The following GPI variants were observed in gnomAD, a reference collection of about 807,000 sequenced individuals.
The protein encoded by GPI is glucose-6-phosphate isomerase, also known as D-hexose-6-phosphate anomerase.
Under a neutral mutation model 75.8 loss-of-function variants are expected in GPI, and 56 were observed. The observed-to-expected ratio is 0.74, with a 90% CI of 0.60 to 0.92. The LOEUF (loss-of-function observed/expected upper bound fraction) is 0.92. Among genes scored for constraint, GPI ranks in the 40% least tolerant of loss-of-function variants. The pLI, the probability that GPI is intolerant of heterozygous loss-of-function variation, is 0.00. For synonymous variants in GPI, 288 were observed against 285.4 expected (o/e 1.01, Z -0.09); for missense variants, 638 against 741.0 (o/e 0.86, Z 1.61).
At chr19:34,391,958 A>T (rs910908919) in intron 9 of GPI, among the ~76,000 whole-genome samples, 11 of 484 alleles carry the variant, frequency 0.023, no homozygotes, top group Non-Finnish European at 0.049. Flanking sequence ...ATCTGGCATG[A>T]GTATGAGGAT....
upstream of GPI, chr19:34,365,153 C>T (rs1192583776): frequency 3.2e-5 from 39 of 1,233,258 alleles, no homozygotes; most frequent in Middle Eastern, 6.3e-4. Context: ...CGGGCCGGGC[C>T]GGGCGCCTGC....
intron 4 of GPI, among the ~76,000 whole-genome samples, chr19:34,375,144 CT>C (rs572414870): frequency 9.5e-4 from 134 of 141,392 alleles, no homozygotes; most frequent in Admixed American, 9.2e-4. Flanking sequence ...CAGCAATACA[CT>C]TTTTTTTTTT....
In GPI at chr19:34,390,982, G is replaced by A. The variant is rs572763216; in HGVS notation, c.805-2266G>A. On this transcript the variant is annotated intron_variant, in intron 9 of 17. Coordinates refer to ENST00000356487, the MANE Select transcript of GPI (RefSeq NM_000175.5). ...CAGGTATGAGGATCTGGGTCTTCCC[G>A]TGTCTGAGTAGGTAGCACCTGGCAC... 2.9e-4 allele frequency among the ~76,000 whole-genome samples: 31 copies of A among 105,206 alleles called. No homozygotes were observed. The South Asian group carries it at 5.9e-3, about 20-fold the overall frequency. The allele number at this position is 105,206 out of a possible 152,430, so 69.0% of individuals were successfully genotyped here.
chr19:34,370,339 G>A (rs2074432507), intron 4 of GPI, among the ~76,000 whole-genome samples: 2 of 152,202 alleles, frequency 1.3e-5, no homozygotes, highest in Admixed American at 1.3e-4. Flanking sequence ...CTTGTCAGCT[G>A]TGATCATTTG....
At chr19:34,366,200 G>A in intron 1 of GPI, 145 bp from the exon 2 acceptor site, 1 of 720,898 alleles carries the variant, frequency 1.4e-6, no homozygotes, top group Middle Eastern at 2.3e-4. Flanking sequence ...GCAGGTGACA[G>A]ACACCACCAC....
In GPI at chr19:34,386,494, G is replaced by C. The variant is rs150026486; in HGVS notation, c.804+4975G>C. ...TAGTCTCTTGAAGGAGAGCTGAGGA[G>C]TTAGGTTGAATGCAGGTAGATAGAG... On this transcript the variant is annotated intron_variant, in intron 9 of 17. Transcript: ENST00000356487. Among the ~76,000 whole-genome samples, 183 of 152,316 alleles carry C rather than the reference G, an allele frequency of 1.2e-3. 7 individuals carry two copies. In the East Asian group the frequency reaches 0.027, roughly 23 times the overall value.
chr19:34,366,815 G>A lies in GPI; in HGVS notation c.246G>A (p.Glu82=). 6.2e-7 allele frequency: 1 copy of A among 1,613,760 alleles called. No homozygotes were observed. Among genetic ancestry groups the A allele is most frequent in the Non-Finnish European group, 8.5e-7 (1 of 1,179,912 alleles). Residue 82 remains glutamate, a synonymous_variant, in exon 3 of 18, where the codon GAG becomes GAA. Transcript: ENST00000356487. ...CCAGGGGCGTGGAGGCCGCCCGGGA[G>A]CGGATGTTCAATGGTGAGAAGATCA... ...AKSRGVEAAR[E]RMFNGEKINY... is the part of the protein sequence containing the mutation.
intron 2 of GPI, 65 bp downstream of exon 2, chr19:34,366,500 G>C (rs1253406086): frequency 9.4e-7 from 1 of 1,060,074 alleles, no homozygotes; most frequent in Non-Finnish European, 1.5e-6. Flanking sequence ...TGGGCTCCTG[G>C]GAGTCCCCAG....
At chr19:34,377,999 G>A in intron 6 of GPI, 118 bp downstream of exon 6, 2 of 1,030,230 alleles carry the variant, frequency 1.9e-6, no homozygotes, top group Non-Finnish European at 3.0e-6. Context: ...AGTGAACCAT[G>A]GTTTGTGGAT....
At chr19:34,366,683 G>A in intron 2 of GPI, 100 bp from the exon 3 acceptor site, 1 of 853,194 alleles carries the variant, frequency 1.2e-6, no homozygotes, top group African/African-American at 1.7e-5. Flanking sequence ...GCAGCCGTCT[G>A]TCTGTCTCAT....
chr19:34,399,693 A>G (rs1280587255), intron 16 of GPI, 26 bp from the exon 17 acceptor site: 1 of 1,613,684 alleles, frequency 6.2e-7, no homozygotes, highest in East Asian at 2.2e-5. Flanking sequence ...TGGAGCCCTG[A>G]TGTGCCCTGT....
chr19:34,399,641 T>C lies in GPI; in HGVS notation c.1474+10T>C. On this transcript the variant is annotated intron_variant, in intron 16 of 17. Coordinates refer to ENST00000356487, the MANE Select transcript of GPI (RefSeq NM_000175.5). ...CTTGGAGCCTTGGTCGGTGAGTGAG[T>C]AGGGGAAAGGTCCTGGCTTGGGGTA... 6.2e-7 allele frequency: 1 copy of C among 1,613,838 alleles called. No individual in the cohort carries two copies. The highest frequency in any genetic ancestry group is 1.1e-5 in the South Asian group (1 of 91,060).
At chr19:34,374,361 G>A (rs1019018646) in intron 4 of GPI, among the ~76,000 whole-genome samples, 2 of 152,108 alleles carry the variant, frequency 1.3e-5, no homozygotes, top group South Asian at 2.1e-4. Flanking sequence ...GCATCAGTGG[G>A]TTAATGCCAG....
At chr19:34,390,537 T>C (rs1394955821) in intron 9 of GPI, among the ~76,000 whole-genome samples, 2 of 152,076 alleles carry the variant, frequency 1.3e-5, no homozygotes, top group Non-Finnish European at 2.9e-5. Context: ...TTCCAGTGTG[T>C]GAGGAGGTAG....
chr19:34,377,721 A>G lies in GPI; in HGVS notation c.487-14A>G, dbSNP rs756884854. 25 of 1,613,358 alleles carry G rather than the reference A, an allele frequency of 1.5e-5. No homozygotes were observed. Among genetic ancestry groups the G allele is most frequent in the Admixed American group, 8.3e-5 (5 of 59,962 alleles). The stretch of plus-strand genomic sequence containing the variant: ...CCCTGAATTCTTATTCTCTGATGCT[A>G]TGTCTCCCCGCAGGGACCCCTCATG... On this transcript the variant is annotated splice_polypyrimidine_tract_variant and intron_variant, in intron 5 of 17. Coordinates refer to ENST00000356487, the MANE Select transcript of GPI (RefSeq NM_000175.5).
At chr19:34,377,098 C>T (rs1201611908) in intron 4 of GPI, among the ~76,000 whole-genome samples, 1 of 150,494 alleles carries the variant, frequency 6.6e-6, no homozygotes, top group African/African-American at 2.4e-5. Flanking sequence ...GTCAGGAGAT[C>T]GAGACCATCC....
chr19:34,399,700 CT>C lies in GPI; in HGVS notation c.1475-18del. On this transcript the variant is annotated intron_variant, in intron 16 of 17. Transcript: ENST00000356487. ...TGGGCTTGTGGAGCCCTGATGTGCC[CT>C]GTCTGTCACTTCTGCAGCCATGTAT... 1 of 1,614,026 alleles carries C rather than the reference CT, an allele frequency of 6.2e-7. No homozygotes were observed. Among genetic ancestry groups the C allele is most frequent in the Non-Finnish European group, 8.5e-7 (1 of 1,179,924 alleles).
intron 9 of GPI, among the ~76,000 whole-genome samples, chr19:34,384,768 C>T (rs1040917357): frequency 6.6e-6 from 1 of 152,144 alleles, no homozygotes; most frequent in Non-Finnish European, 1.5e-5. Context: ...GTAGGCCAGG[C>T]ACAGTGGCTC....
At chr19:34,372,629 G>A (rs765387883) in intron 4 of GPI, among the ~76,000 whole-genome samples, 9 of 152,120 alleles carry the variant, frequency 5.9e-5, no homozygotes, top group Non-Finnish European at 1.0e-4. Context: ...GCAACAGAGC[G>A]AGACCCTGTC....
Sources: gnomAD v4.1 joint callset for allele counts (sites outside exome capture counted in the v4.1 genomes callset) on GRCh38, gnomAD v4.1.1 for gene constraint, MANE v1.5 for transcripts, NCBI Gene and HGNC (gene_info 2026-07-23, HGNC 2026-07-21) for gene names.